The following EYS variants were observed in gnomAD, a reference collection of about 807,000 sequenced individuals.
EYS encodes the protein EGF-like photoreceptor maintenance factor, also known as protein eyes shut homolog.
A neutral mutation model predicts 282.1 loss-of-function variants in EYS; 250 were observed. That is an observed-to-expected ratio of 0.89 (90% confidence interval 0.80 to 0.98). The LOEUF (loss-of-function observed/expected upper bound fraction) is 0.98. Among genes scored for constraint, EYS ranks in the 50% least tolerant of loss-of-function variants. The pLI is 0.00. For synonymous variants in EYS, 1,355 were observed against 1,282.9 expected, an observed-to-expected ratio of 1.06 and a Z score of -1.20; for missense variants, 4,016 against 3,709.0, an observed-to-expected ratio of 1.08 and a Z score of -2.15.
At chr6:65,494,300 C>T (rs140482003) in intron 4 of EYS, among the ~76,000 whole-genome samples, 138 of 151,422 alleles carry the variant, frequency 9.1e-4, no homozygotes, top group African/African-American at 3.1e-3. Context: ...TTTTTTGAGA[C>T]GGAGTCTCGC....
chr6:64,372,271 G>T (rs1772408042), intron 29 of EYS, among the ~76,000 whole-genome samples: 1 of 151,136 alleles, frequency 6.6e-6, no homozygotes, highest in Admixed American at 6.6e-5. Flanking sequence ...TGGCTGAAAA[G>T]GGTCTTATTT....
intron 12 of EYS, among the ~76,000 whole-genome samples, chr6:65,138,351 C>T (rs1370372893): frequency 2.0e-5 from 3 of 151,588 alleles, no homozygotes; most frequent in Non-Finnish European, 4.4e-5. Flanking sequence ...TTTTGGAAGC[C>T]CAGTATTACT....
intron 31 of EYS, among the ~76,000 whole-genome samples, chr6:64,171,078 T>G (rs550963258): frequency 6.6e-6 from 1 of 152,360 alleles, no homozygotes; most frequent in South Asian, 2.1e-4. Context: ...AGGTTTAGAA[T>G]GGCAGGGATA....
chr6:64,135,671 T>G (rs1397365933), intron 31 of EYS, among the ~76,000 whole-genome samples: 1 of 152,104 alleles, frequency 6.6e-6, no homozygotes, highest in African/African-American at 2.4e-5. Flanking sequence ...TCACAATTTT[T>G]TAGGTTTTCC....
At chr6:64,026,740 T>A (rs1292455839) in intron 33 of EYS, among the ~76,000 whole-genome samples, 1 of 151,806 alleles carries the variant, frequency 6.6e-6, no homozygotes, top group Non-Finnish European at 1.5e-5. Flanking sequence ...TCCTCTAATC[T>A]CCCCTGCCCA....
At chr6:64,019,125 CAG>C (rs780813748) in intron 33 of EYS, among the ~76,000 whole-genome samples, 3 of 151,988 alleles carry the variant, frequency 2.0e-5, no homozygotes, top group Non-Finnish European at 4.4e-5. Flanking sequence ...ATTGGAGACT[CAG>C]GGGAAACGGT....
chr6:64,674,881 C>T (rs530768999), intron 22 of EYS, among the ~76,000 whole-genome samples: 1 of 152,176 alleles, frequency 6.6e-6, no homozygotes, highest in South Asian at 2.1e-4. Context: ...AGTTTTAACG[C>T]TTGAAAACTT....
At chr6:65,370,370 TCC>T (rs1765095683) in intron 8 of EYS, among the ~76,000 whole-genome samples, 1 of 149,800 alleles carries the variant, frequency 6.7e-6, no homozygotes, top group Non-Finnish European at 1.5e-5. Context: ...ATTATCCTAC[TCC>T]AGCTTCCCAA....
At chr6:64,077,906 T>C (rs1392080375) in intron 32 of EYS, among the ~76,000 whole-genome samples, 1 of 152,078 alleles carries the variant, frequency 6.6e-6, no homozygotes, top group African/African-American at 2.4e-5. Context: ...CAAAAAGCTT[T>C]CTTTTCATCT....
At chr6:65,392,530 T>G (rs1340798100) in intron 7 of EYS, among the ~76,000 whole-genome samples, 1 of 152,164 alleles carries the variant, frequency 6.6e-6, no homozygotes, top group African/African-American at 2.4e-5. Flanking sequence ...AAGACACTTC[T>G]CAAAAGAAGA....
At chr6:63,827,473 A>C (rs1283469762) in intron 36 of EYS, among the ~76,000 whole-genome samples, 1 of 152,256 alleles carries the variant, frequency 6.6e-6, no homozygotes, top group African/African-American at 2.4e-5. Flanking sequence ...TATACATTCT[A>C]TTCAACAGTT....
intron 19 of EYS, among the ~76,000 whole-genome samples, chr6:64,834,655 T>C (rs1377316241): frequency 1.3e-5 from 2 of 151,966 alleles, no homozygotes; most frequent in South Asian, 2.1e-4. Context: ...GCAAAGGCAA[T>C]GGCTTATAAG....
intron 33 of EYS, among the ~76,000 whole-genome samples, chr6:64,022,945 T>C (rs1220023765): frequency 1.3e-5 from 2 of 152,242 alleles, no homozygotes; most frequent in Non-Finnish European, 2.9e-5. Context: ...AAACGTTTTA[T>C]ATTTAGAGAT....
At chr6:64,136,638 C>G (rs1774170002) in intron 31 of EYS, among the ~76,000 whole-genome samples, 1 of 152,112 alleles carries the variant, frequency 6.6e-6, no homozygotes. Context: ...CGTCAGAGCT[C>G]TTGGATGACC....
chr6:63,757,071 A>C (rs1769505104), intron 41 of EYS, among the ~76,000 whole-genome samples: 1 of 152,132 alleles, frequency 6.6e-6, no homozygotes, highest in African/African-American at 2.4e-5. Flanking sequence ...ATAAGGTCTG[A>C]CTGCCTGCAG....
chr6:64,336,924 T>C (rs978075393), intron 29 of EYS, among the ~76,000 whole-genome samples: 7 of 152,030 alleles, frequency 4.6e-5, no homozygotes, highest in African/African-American at 1.7e-4. Flanking sequence ...TTCTTCAAAC[T>C]GAACGACAAT....
chr6:65,246,469 C>G (rs1225655484), intron 12 of EYS, among the ~76,000 whole-genome samples: 1 of 151,940 alleles, frequency 6.6e-6, no homozygotes, highest in African/African-American at 2.4e-5. Flanking sequence ...ATTAAGAGAA[C>G]TTTATTTGGG....
chr6:64,324,108 G>C (rs1770319399), intron 29 of EYS, among the ~76,000 whole-genome samples: 1 of 152,060 alleles, frequency 6.6e-6, no homozygotes, highest in African/African-American at 2.4e-5. Context: ...CAGAGCCTTT[G>C]GGACTCCTCC....
chr6:65,540,293 T>G (rs1768114579), intron 2 of EYS, among the ~76,000 whole-genome samples: 1 of 152,092 alleles, frequency 6.6e-6, no homozygotes, highest in Non-Finnish European at 1.5e-5. Flanking sequence ...ATAAATACTT[T>G]GTGGGCAACA....
Sources: gnomAD v4.1 joint callset for allele counts (sites outside exome capture counted in the v4.1 genomes callset) on GRCh38, gnomAD v4.1.1 for gene constraint, MANE v1.5 for transcripts, NCBI Gene and HGNC (gene_info 2026-07-23, HGNC 2026-07-21) for gene names.